RDX: variants seen among roughly 807,000 people sequenced by gnomAD.
RDX encodes deafness, autosomal recessive 24.
In RDX, 32 loss-of-function variants were observed where a neutral mutation model predicts 83.7. The observed-to-expected ratio is 0.38, with a 90% CI of 0.29 to 0.51. The LOEUF is 0.51. Among genes scored for constraint, RDX ranks in the 20% least tolerant of loss-of-function variants. The probability of loss-of-function intolerance (pLI) is 0.87; values close to 1 mark genes in which losing one functional copy is unlikely to be tolerated. For synonymous variants in RDX, 229 were observed against 222.7 expected (o/e 1.03, Z -0.25); for missense variants, 600 against 689.9 (o/e 0.87, Z 1.46).
At chr11:110,266,168 C>CAA (rs1178264888) in intron 3 of RDX, among the ~76,000 whole-genome samples, 49 of 124,420 alleles carry the variant, frequency 3.9e-4, no homozygotes, top group African/African-American at 1.4e-3. Context: ...ACTAAAAATA[C>CAA]AAAAAAAAAA....
At chr11:110,184,362 T>G (rs1862945337) in intron 15 of RDX, among the ~76,000 whole-genome samples, 1 of 152,324 alleles carries the variant, frequency 6.6e-6, no homozygotes, top group East Asian at 1.9e-4. Flanking sequence ...CCAGCCTCTG[T>G]CTCCCTGACA....
At chr11:110,264,996 G>A in intron 3 of RDX, 122 bp from the exon 4 acceptor site, 1 of 563,670 alleles carries the variant, frequency 1.8e-6, no homozygotes, top group Non-Finnish European at 3.0e-6. Flanking sequence ...CTTTGCCATA[G>A]AAAAGGCTTT....
chr11:110,253,789 C>T (rs935411431), intron 9 of RDX, 157 bp downstream of exon 9: 7 of 678,758 alleles, frequency 1.0e-5, no homozygotes, highest in African/African-American at 7.2e-5. Flanking sequence ...TATACATACT[C>T]GTTTTAAAGG....
At chr11:110,225,760 C>T (rs984415848), downstream of RDX, among the ~76,000 whole-genome samples, 2 of 152,022 alleles carry the variant, frequency 1.3e-5, no homozygotes, top group African/African-American at 4.8e-5. Flanking sequence ...AAATATTAAA[C>T]ACAGGGCCAG....
rs926917709 is a variant in RDX at position 110,259,987 on chromosome 11, C to CT, written c.468-1799dup. Among the ~76,000 whole-genome samples the CT allele has an allele frequency of 4.1e-3, 593 of 144,866 alleles. 4 individuals carry two copies. Among genetic ancestry groups the CT allele is most frequent in the African/African-American group, 9.7e-3 (387 of 39,848 alleles). ...CCAATACTCTATGGTAACTGTTCTTCTTTTTTTTTTTTTCTTTAGACAGAG... is the reference window on the plus strand; with the variant it reads ...CCAATACTCTATGGTAACTGTTCTTCTTTTTTTTTTTTTTCTTTAGACAGAG... On this transcript the variant is annotated intron_variant, in intron 5 of 13. Transcript: ENST00000645495.
intron 14 of RDX, among the ~76,000 whole-genome samples, chr11:110,204,381 T>C (rs1053439493): frequency 2.0e-5 from 3 of 151,720 alleles, no homozygotes; most frequent in Non-Finnish European, 2.9e-5. Context: ...AAATACATGA[T>C]CTTAATGCAA....
intron 15 of RDX, among the ~76,000 whole-genome samples, chr11:110,187,109 T>C (rs903056797): frequency 2.6e-5 from 4 of 152,164 alleles, no homozygotes; most frequent in Non-Finnish European, 5.9e-5. Flanking sequence ...TGGAACCGTC[T>C]GCATGTGTAA....
At position 110,231,660 on chromosome 11, in the gene RDX, C is replaced by T. The variant is rs1055751233; in HGVS notation, c.*209G>A. The T allele has an allele frequency of 6.6e-6, 4 of 604,690 alleles. No individual in the cohort carries two copies. The highest frequency in any genetic ancestry group is 1.9e-5 in the African/African-American group (1 of 53,998). The allele number at this position is 604,690 out of a possible 1,614,324, so 37.5% of individuals were successfully genotyped here. On this transcript the variant is annotated 3_prime_UTR_variant, in exon 14 of 14. Coordinates refer to ENST00000645495, the MANE Select transcript of RDX (RefSeq NM_002906.4). ...AGGCAATGGAACACCATTCTCCATTCCCTGGACCAAAAGAAAAAAGAAAAC... is the reference window on the plus strand; with the variant it reads ...AGGCAATGGAACACCATTCTCCATTTCCTGGACCAAAAGAAAAAAGAAAAC...
Position 110,279,759 on chromosome 11 carries a change from G to GT in RDX, c.-64-4dup, listed in dbSNP as rs947112426. 1 of 899,020 alleles carries GT rather than the reference G, an allele frequency of 1.1e-6. No homozygotes were observed. Among genetic ancestry groups the GT allele is most frequent in the Non-Finnish European group, 1.7e-6 (1 of 581,256 alleles). 55.7% of individuals were successfully genotyped at this position (899,020 alleles called of 1,614,324 possible). A position where few individuals can be genotyped will look rare whatever the true frequency, so the allele number is the denominator to read the frequency against. On this transcript the variant is annotated splice_polypyrimidine_tract_variant and splice_region_variant and intron_variant, in intron 1 of 13. Transcript: ENST00000645495. The stretch of plus-strand genomic sequence containing the variant: ...TCAATGAATTCTGTTATCACTTTCT[G>GT]TTAAAAAAAAAAAAGCATAATCTAT...
At chr11:110,176,673 T>C (rs907789048) in intron 15 of RDX, among the ~76,000 whole-genome samples, 1 of 152,098 alleles carries the variant, frequency 6.6e-6, no homozygotes, top group Non-Finnish European at 1.5e-5. Flanking sequence ...TGCCAAGTGG[T>C]GAGAGGGGTG....
intron 5 of RDX, among the ~76,000 whole-genome samples, chr11:110,259,193 C>T (rs1265115826): frequency 7.9e-5 from 12 of 152,198 alleles, no homozygotes. Flanking sequence ...CTGCCTCGAC[C>T]TCCCAAAGTG....
intron 15 of RDX, among the ~76,000 whole-genome samples, chr11:110,192,139 C>G (rs534648310): frequency 6.6e-6 from 1 of 152,166 alleles, no homozygotes; most frequent in Non-Finnish European, 1.5e-5. Context: ...TCAAACTATA[C>G]TGTAAGGCTG....
intron 1 of RDX, among the ~76,000 whole-genome samples, chr11:110,294,315 A>G (rs561345949): frequency 7.4e-4 from 112 of 152,354 alleles, no homozygotes; most frequent in African/African-American, 2.7e-3. Flanking sequence ...GAATCACTTG[A>G]ACCCAGGAGG....
At chr11:110,221,645 CG>C (rs1045747940) in intron 14 of RDX, among the ~76,000 whole-genome samples, 11 of 150,414 alleles carry the variant, frequency 7.3e-5, no homozygotes, top group East Asian at 3.9e-4. Flanking sequence ...CACACACACA[CG>C]AAGATCAAAG....
At chr11:110,274,039 C>T (rs1860409096) in intron 2 of RDX, among the ~76,000 whole-genome samples, 1 of 152,196 alleles carries the variant, frequency 6.6e-6, no homozygotes, top group South Asian at 2.1e-4. Flanking sequence ...ATATGTCTAA[C>T]AATCACAACC....
intron 14 of RDX, among the ~76,000 whole-genome samples, chr11:110,211,530 C>CT (rs1225716055): frequency 1.3e-5 from 2 of 151,690 alleles, no homozygotes; most frequent in Non-Finnish European, 1.5e-5. Context: ...ACAGAATATA[C>CT]TTTTTTTTCA....
chr11:110,235,595 C>G (rs1209348973), intron 12 of RDX, among the ~76,000 whole-genome samples: 1 of 152,174 alleles, frequency 6.6e-6, no homozygotes, highest in Non-Finnish European at 1.5e-5. Context: ...AATCGATACT[C>G]CCACTGCCTT....
intron 15 of RDX, among the ~76,000 whole-genome samples, chr11:110,176,236 G>A (rs1174838297): frequency 1.3e-5 from 2 of 151,948 alleles, no homozygotes; most frequent in Non-Finnish European, 2.9e-5. Flanking sequence ...GCCAATTTTT[G>A]TATTTTTAGT....
At chr11:110,203,099 G>T (rs576403524) in intron 14 of RDX, among the ~76,000 whole-genome samples, 1 of 152,200 alleles carries the variant, frequency 6.6e-6, no homozygotes, top group Admixed American at 6.5e-5. Flanking sequence ...CCAAGATTTG[G>T]AAGCAACCTA....
Sources: gnomAD v4.1 joint callset for allele counts (sites outside exome capture counted in the v4.1 genomes callset) on GRCh38, gnomAD v4.1.1 for gene constraint, MANE v1.5 for transcripts, NCBI Gene and HGNC (gene_info 2026-07-23, HGNC 2026-07-21) for gene names.